The following FAAH2 variants were observed in gnomAD, a reference collection of about 807,000 sequenced individuals.
FAAH2 encodes the protein fatty-acid amide hydrolase 2.
Under a neutral mutation model 36.9 loss-of-function variants are expected in FAAH2, and 60 were observed. That is an observed-to-expected ratio of 1.63 (90% CI 1.32 to 2.02). The LOEUF (loss-of-function observed/expected upper bound fraction) is 2.02, where lower values mean the gene tolerates loss of function less well. Among genes scored for constraint, FAAH2 ranks in the 30% most tolerant of loss-of-function variants. The pLI is 0.00. For synonymous variants in FAAH2, 214 were observed against 143.8 expected (o/e 1.49, Z -3.49); for missense variants, 689 against 397.5 (o/e 1.73, Z -6.23).
intron 5 of FAAH2, among the ~76,000 whole-genome samples, chrX:57,342,838 A>C (rs1415041169): frequency 1.8e-5 from 2 of 111,231 alleles, no homozygotes; most frequent in African/African-American, 6.5e-5. Flanking sequence ...ATGTGTACTC[A>C]AGGTTTAGTT....
intron 2 of FAAH2, among the ~76,000 whole-genome samples, chrX:57,304,726 C>T (rs1043667021): frequency 5.4e-5 from 6 of 111,670 alleles, no homozygotes; most frequent in Non-Finnish European, 9.4e-5. Flanking sequence ...GGATAGGCAG[C>T]GAACAATGTC....
chrX:57,223,782 C>T, the FAAH2 span, among the ~76,000 whole-genome samples: 14 of 112,226 alleles, frequency 1.2e-4, no homozygotes, highest in South Asian at 5.2e-3. Context: ...TCTCTTCATG[C>T]ATATAATTCT....
At chrX:57,172,938 G>C in the FAAH2 span, among the ~76,000 whole-genome samples, 1 of 111,995 alleles carries the variant, frequency 8.9e-6, no homozygotes. Flanking sequence ...GGCACAGGAT[G>C]GGGGCTTGAC....
chrX:57,354,404 A>C (rs1362041492), intron 5 of FAAH2, among the ~76,000 whole-genome samples: 3 of 110,654 alleles, frequency 2.7e-5, no homozygotes, highest in Non-Finnish European at 5.7e-5. Flanking sequence ...AGAGAGTAGA[A>C]TGATAGATAA....
the FAAH2 span, among the ~76,000 whole-genome samples, chrX:57,160,784 A>G: frequency 1.9e-4 from 21 of 111,089 alleles, no homozygotes; most frequent in Admixed American, 2.9e-4. Context: ...TGGTCTTTCA[A>G]TTTTGTTGAT....
chrX:57,135,595 A>G, the FAAH2 span: 4 of 678,546 alleles, frequency 5.9e-6, no homozygotes, highest in Non-Finnish European at 8.6e-6. Context: ...TCCATGCCCC[A>G]TCTACCAAAC....
intron 5 of FAAH2, among the ~76,000 whole-genome samples, chrX:57,357,646 A>G (rs1405355377): frequency 8.9e-6 from 1 of 112,052 alleles, no homozygotes; most frequent in Non-Finnish European, 1.9e-5. Context: ...ATACCATCTC[A>G]TGCCAGTTAG....
At position 57,407,741 on chromosome X, in the gene FAAH2, C is replaced by T. The variant is rs754366758; in HGVS notation, c.997-24177C>T. Among the ~76,000 whole-genome samples the T allele has an allele frequency of 4.2e-4, 47 of 111,561 alleles. 1 individual carries two copies. The highest frequency in any genetic ancestry group is 8.5e-4 in the Non-Finnish European group (45 of 53,141). On this transcript the variant is annotated intron_variant, in intron 7 of 10. Coordinates refer to ENST00000374900, the MANE Select transcript of FAAH2 (RefSeq NM_174912.4). Reference sequence around the variant, plus strand: ...CGCATTGGAGAAGCTGCTCCAAACTCGAATCAGAAAGACACTAATTTCCTT... The same window carrying T: ...CGCATTGGAGAAGCTGCTCCAAACTTGAATCAGAAAGACACTAATTTCCTT...
chrX:57,465,482 AAC>A (rs1303545957), intron 10 of FAAH2, among the ~76,000 whole-genome samples: 1 of 111,948 alleles, frequency 8.9e-6, no homozygotes, highest in African/African-American at 3.2e-5. Flanking sequence ...AAACCACAAT[AAC>A]AGTGATGGAT....
chrX:57,364,874 CT>C (rs1255990529), intron 5 of FAAH2, among the ~76,000 whole-genome samples: 1 of 111,179 alleles, frequency 9.0e-6, no homozygotes, highest in Non-Finnish European at 1.9e-5. Flanking sequence ...GAGGGATTGT[CT>C]TGGTATTGAT....
chrX:57,461,432 T>C (rs998383781), intron 10 of FAAH2, among the ~76,000 whole-genome samples: 2 of 111,199 alleles, frequency 1.8e-5, no homozygotes, highest in African/African-American at 6.5e-5. Flanking sequence ...ATGCAAAAGA[T>C]TGGAAATCAT....
chrX:57,394,618 C>A, intron 7 of FAAH2: 3 of 1,112,821 alleles, frequency 2.7e-6, no homozygotes, highest in Non-Finnish European at 3.7e-6. Flanking sequence ...CCGTCATGAG[C>A]CCTAAGCCAC....
chrX:57,398,003 T>C (rs1055515660), intron 7 of FAAH2, among the ~76,000 whole-genome samples: 2 of 111,263 alleles, frequency 1.8e-5, no homozygotes, highest in African/African-American at 3.3e-5. Flanking sequence ...TTTCCAGCTT[T>C]ATCCATGTCC....
chrX:57,448,307 T>A (rs2056720770), intron 9 of FAAH2, among the ~76,000 whole-genome samples: 5 of 112,567 alleles, frequency 4.4e-5, no homozygotes, highest in Admixed American at 1.9e-4. Flanking sequence ...ATCCTTATGA[T>A]GAACTATGCA....
chrX:57,397,783 C>T (rs1448588572), intron 7 of FAAH2, among the ~76,000 whole-genome samples: 2 of 109,569 alleles, frequency 1.8e-5, no homozygotes, highest in Admixed American at 2.0e-4. Context: ...ACACATGTGC[C>T]TTGTTGGGGT....
chrX:57,332,617 G>T (rs1384210517), intron 4 of FAAH2, among the ~76,000 whole-genome samples: 3 of 111,301 alleles, frequency 2.7e-5, no homozygotes, highest in South Asian at 3.8e-4. Context: ...TGACTTGCTG[G>T]AGGTTCATTG....
intron 1 of FAAH2, among the ~76,000 whole-genome samples, chrX:57,288,787 A>G (rs1329123385): frequency 9.0e-6 from 1 of 111,556 alleles, no homozygotes; most frequent in Non-Finnish European, 1.9e-5. Context: ...ATTGTCTGGC[A>G]TACTAATCCT....
At chrX:57,250,740 A>G in the FAAH2 span, among the ~76,000 whole-genome samples, 1 of 105,808 alleles carries the variant, frequency 9.5e-6, no homozygotes, top group Admixed American at 9.8e-5. Context: ...TTGTACACCA[A>G]CAAAAAAGAT....
intron 7 of FAAH2, among the ~76,000 whole-genome samples, chrX:57,382,227 T>G (rs1276214642): frequency 1.8e-5 from 2 of 111,256 alleles, no homozygotes; most frequent in African/African-American, 3.3e-5. Context: ...AAAGCAGGAA[T>G]GATCTAAAAT....
Sources: allele counts gnomAD v4.1 joint callset (sites outside exome capture counted in the v4.1 genomes callset), GRCh38; gene constraint gnomAD v4.1.1; transcripts MANE v1.5; gene names NCBI Gene and HGNC (gene_info 2026-07-23, HGNC 2026-07-21).